The following SARNP variants were observed in gnomAD, a reference collection of about 807,000 sequenced individuals.
The protein encoded by SARNP is SAP domain containing ribonucleoprotein, also known as SAP domain-containing ribonucleoprotein.
A neutral mutation model predicts 38.1 loss-of-function variants in SARNP; 5 were observed. That is an observed-to-expected ratio of 0.13 (90% CI 0.07 to 0.28). SARNP has a LOEUF of 0.28. Ranked by LOEUF, SARNP falls within the 10% of genes least tolerant of loss-of-function variation. The pLI, the probability that SARNP is intolerant of heterozygous loss-of-function variation, is 1.00. For synonymous variants in SARNP, 84 were observed against 80.6 expected (o/e 1.04, Z -0.23); for missense variants, 180 against 243.9 (o/e 0.74, Z 1.75).
rs1034949853 is a variant in SARNP at position 55,757,422 on chromosome 12, C to A, written c.*90G>T. 3.5e-6 allele frequency: 4 copies of A among 1,140,654 alleles called. No homozygotes were observed. Among genetic ancestry groups the A allele is most frequent in the South Asian group, 1.5e-5 (1 of 67,994 alleles). 70.7% of individuals were successfully genotyped at this position (1,140,654 alleles called of 1,614,324 possible). A position where few individuals can be genotyped will look rare whatever the true frequency, so the allele number is the denominator to read the frequency against. On this transcript the variant is annotated 3_prime_UTR_variant, in exon 11 of 11. Coordinates refer to ENST00000336133, the MANE Select transcript of SARNP (RefSeq NM_033082.4). ...CCCTCATTGCGAGGCAGGACGTAGG[C>A]ACATGACTGTGCATTTAGGCATATA...
chr12:55,812,999 T>C (rs973855305), intron 1 of SARNP, among the ~76,000 whole-genome samples: 4 of 151,758 alleles, frequency 2.6e-5, no homozygotes, highest in Non-Finnish European at 5.9e-5. Context: ...CAGGCTGGAG[T>C]GCAATGGCGC....
chr12:55,764,518 C>T lies in SARNP; in HGVS notation c.502-3878G>A, dbSNP rs376379771. 3.4e-4 allele frequency among the ~76,000 whole-genome samples: 38 copies of T among 112,390 alleles called. 1 individual carries two copies. Among genetic ancestry groups the T allele is most frequent in the African/African-American group, 1.1e-3 (31 of 28,256 alleles). 73.7% of individuals were successfully genotyped at this position (112,390 alleles called of 152,430 possible). On this transcript the variant is annotated intron_variant, in intron 9 of 10. Coordinates refer to ENST00000336133, the MANE Select transcript of SARNP (RefSeq NM_033082.4). ...TGCACTCCAGCCTGGGCAACAAGAG[C>T]GAAACTCCATTTCAAAAAAAAAAAA...
At chr12:55,790,765 G>GTA (rs1168342983) in intron 7 of SARNP, among the ~76,000 whole-genome samples, 173 bp from the exon 8 acceptor site, 3 of 152,184 alleles carry the variant, frequency 2.0e-5, no homozygotes, top group Admixed American at 1.3e-4. Context: ...ACATAAAATG[G>GTA]TATAGCTGCT....
chr12:55,801,562 T>G (rs936469978), intron 2 of SARNP, among the ~76,000 whole-genome samples: 49 of 152,298 alleles, frequency 3.2e-4, no homozygotes, highest in African/African-American at 1.1e-3. Context: ...TGAAGATTTT[T>G]CAAAACTAAG....
intron 1 of SARNP, among the ~76,000 whole-genome samples, chr12:55,807,426 T>A (rs534943325): frequency 6.6e-6 from 1 of 152,046 alleles, no homozygotes; most frequent in Admixed American, 6.6e-5. Flanking sequence ...TTCCAGCCCC[T>A]TGTGAGGCCA....
intron 7 of SARNP, among the ~76,000 whole-genome samples, chr12:55,792,089 T>C (rs1246549633): frequency 6.6e-6 from 1 of 152,094 alleles, no homozygotes; most frequent in African/African-American, 2.4e-5. Flanking sequence ...AAACCCTGTC[T>C]CTTAAAAAAA....
chr12:55,775,170 A>G (rs1277522146), intron 9 of SARNP, among the ~76,000 whole-genome samples: 1 of 150,446 alleles, frequency 6.6e-6, no homozygotes, highest in Non-Finnish European at 1.5e-5. Flanking sequence ...TACAGGTGCG[A>G]GCCACCACGC....
At chr12:55,797,473 T>C (rs1879853879) in intron 4 of SARNP, among the ~76,000 whole-genome samples, 1 of 152,194 alleles carries the variant, frequency 6.6e-6, no homozygotes, top group African/African-American at 2.4e-5. Context: ...ACGCTTCCCA[T>C]TTCCTTGCCA....
chr12:55,765,669 T>C (rs907118618), intron 9 of SARNP, among the ~76,000 whole-genome samples: 2 of 152,110 alleles, frequency 1.3e-5, no homozygotes, highest in African/African-American at 4.8e-5. Context: ...ACAAGATCTT[T>C]GGTGCCTCTT....
At chr12:55,801,682 A>G (rs763329533) in intron 2 of SARNP, among the ~76,000 whole-genome samples, 4 of 152,170 alleles carry the variant, frequency 2.6e-5, no homozygotes, top group Non-Finnish European at 5.9e-5. Flanking sequence ...CAATGGCACA[A>G]TCACAGCTCC....
At chr12:55,767,848 GAAAA>G (rs767928003) in intron 9 of SARNP, among the ~76,000 whole-genome samples, 1 of 35,394 alleles carries the variant, frequency 2.8e-5, no homozygotes, top group Non-Finnish European at 5.9e-5. Flanking sequence ...CTCCCTCTCA[GAAAA>G]AAAAAAAAAA....
intron 9 of SARNP, among the ~76,000 whole-genome samples, chr12:55,786,064 T>G (rs1879483450): frequency 6.6e-6 from 1 of 152,210 alleles, no homozygotes; most frequent in African/African-American, 2.4e-5. Flanking sequence ...TCTGTTTTAC[T>G]CAGCCTTCTG....
intron 1 of SARNP, among the ~76,000 whole-genome samples, chr12:55,816,198 T>C (rs2136211288): frequency 6.6e-6 from 1 of 152,324 alleles, no homozygotes; most frequent in Non-Finnish European, 1.5e-5. Flanking sequence ...TCCAGGGATT[T>C]CAAAAATAGG....
In SARNP at chr12:55,768,679, C is replaced by T. The variant is rs1217690956; in HGVS notation, c.502-8039G>A. On this transcript the variant is annotated intron_variant, in intron 9 of 10. Transcript: ENST00000336133. Reference sequence around the variant, plus strand: ...CTGACCTCAGGCGATCCACCCGCCGCAGCCTCCCAAAGTGCTAGGATTACA... The same window carrying T: ...CTGACCTCAGGCGATCCACCCGCCGTAGCCTCCCAAAGTGCTAGGATTACA... Among the ~76,000 whole-genome samples, 3 of 152,122 alleles carry T rather than the reference C, an allele frequency of 2.0e-5. No individual in the cohort carries two copies. The East Asian group carries it at 5.8e-4, about 29-fold the overall frequency.
At chr12:55,806,584 T>A (rs1880151482) in intron 1 of SARNP, among the ~76,000 whole-genome samples, 1 of 151,342 alleles carries the variant, frequency 6.6e-6, no homozygotes, top group African/African-American at 2.4e-5. Context: ...AAAAAAAAAA[T>A]TTCTTGAGAC....
At position 55,803,622 on chromosome 12, in the gene SARNP, T is replaced by A; in HGVS notation, c.136+7A>T. On this transcript the variant is annotated splice_region_variant and intron_variant, in intron 2 of 10. Transcript: ENST00000336133. ...CTCACATCACTCCGCCTCCACAAAGTACTCACCATGTTCTTCAAGATATGC... is the reference window on the plus strand; with the variant it reads ...CTCACATCACTCCGCCTCCACAAAGAACTCACCATGTTCTTCAAGATATGC... The A allele has an allele frequency of 6.3e-7, 1 of 1,580,082 alleles. No homozygotes were observed. Among genetic ancestry groups the A allele is most frequent in the African/African-American group, 1.3e-5 (1 of 74,308 alleles).
chr12:55,789,228 A>G (rs573907848), intron 8 of SARNP, 85 bp from the exon 9 acceptor site: 2 of 897,626 alleles, frequency 2.2e-6, no homozygotes, highest in African/African-American at 3.4e-5. Flanking sequence ...TGAAGCTAAG[A>G]GTTCAAATAA....
At position 55,790,557 on chromosome 12, in the gene SARNP, G is replaced by C; in HGVS notation, c.432+10C>G. ...TCTGGGTGTGTAAGAAATAAAAAAA[G>C]ATTTCTTACCATAGGTTTGTTATCA... On this transcript the variant is annotated intron_variant, in intron 8 of 10. Transcript: ENST00000336133. 6.4e-7 allele frequency: 1 copy of C among 1,558,860 alleles called. No homozygotes were observed. The highest frequency in any genetic ancestry group is 1.2e-5 in the South Asian group (1 of 81,808).
chr12:55,761,843 T>C (rs1878685333), intron 9 of SARNP: 1 of 152,202 alleles, frequency 6.6e-6, no homozygotes, highest in African/African-American at 2.4e-5. Flanking sequence ...CAGGAAGGAC[T>C]TTCTAAAATT....
Sources: gnomAD v4.1 joint callset for allele counts (sites outside exome capture counted in the v4.1 genomes callset) on GRCh38, gnomAD v4.1.1 for gene constraint, MANE v1.5 for transcripts, NCBI Gene and HGNC (gene_info 2026-07-23, HGNC 2026-07-21) for gene names.